The following KIDINS220 variants were observed in gnomAD, a reference collection of about 807,000 sequenced individuals.
KIDINS220 encodes kinase D-interacting substrate of 220 kDa.
A neutral mutation model predicts 157.6 loss-of-function variants in KIDINS220; 63 were observed. The ratio of observed to expected loss-of-function variants is 0.40; its 90% CI spans 0.33 to 0.49. The LOEUF is 0.49. Ranked by LOEUF, KIDINS220 falls within the 20% of genes least tolerant of loss-of-function variation. The pLI is 0.66. For missense variants in KIDINS220, 1,772 were observed against 2,171.2 expected, an observed-to-expected ratio of 0.82 and a Z score of 3.65; for synonymous variants, 732 against 783.6, an observed-to-expected ratio of 0.93 and a Z score of 1.10.
chr2:8,780,775 A>C (rs925520092), intron 17 of KIDINS220, among the ~76,000 whole-genome samples: 8 of 152,102 alleles, frequency 5.3e-5, no homozygotes, highest in Non-Finnish European at 1.2e-4. Context: ...CAGTTTAAAA[A>C]AAAGTACAAC....
chr2:8,815,058 G>T (rs998152898), intron 4 of KIDINS220, among the ~76,000 whole-genome samples: 4 of 152,202 alleles, frequency 2.6e-5, no homozygotes, highest in Admixed American at 2.0e-4. Flanking sequence ...ATTTTAACTT[G>T]TAAAATACTT....
chr2:8,727,466 C>G (rs1663443491), downstream of KIDINS220, among the ~76,000 whole-genome samples: 2 of 152,162 alleles, frequency 1.3e-5, no homozygotes, highest in African/African-American at 4.8e-5. Flanking sequence ...TCAGAGATTC[C>G]TGGATTTTTA....
At chr2:8,804,921 G>A (rs1675224204) in intron 7 of KIDINS220, among the ~76,000 whole-genome samples, 1 of 152,080 alleles carries the variant, frequency 6.6e-6, no homozygotes, top group South Asian at 2.1e-4. Flanking sequence ...CAAGTGTTCG[G>A]TGCCCAAGAC....
At chr2:8,762,453 A>G (rs1201781032) in intron 22 of KIDINS220, among the ~76,000 whole-genome samples, 1 of 152,178 alleles carries the variant, frequency 6.6e-6, no homozygotes, top group Non-Finnish European at 1.5e-5. Flanking sequence ...AAGAAAACCT[A>G]TTGGCTGGGC....
intron 22 of KIDINS220, among the ~76,000 whole-genome samples, chr2:8,752,079 G>C (rs1667440993): frequency 6.6e-6 from 1 of 151,502 alleles, no homozygotes; most frequent in Non-Finnish European, 1.5e-5. Flanking sequence ...GGAGTGCAGT[G>C]GTGCAGTCTT....
chr2:8,749,973 T>A, intron 24 of KIDINS220, 139 bp downstream of exon 24: 1 of 660,078 alleles, frequency 1.5e-6, no homozygotes, highest in East Asian at 2.7e-5. Context: ...AAAAGTCCTA[T>A]ATTTTACATT....
intron 8 of KIDINS220, among the ~76,000 whole-genome samples, chr2:8,801,956 C>G (rs937672184): frequency 3.3e-5 from 5 of 152,056 alleles, no homozygotes; most frequent in African/African-American, 1.2e-4. Context: ...GAAGACCTTC[C>G]CGAGGAGGAA....
At chr2:8,776,323 T>C (rs986490155) in intron 21 of KIDINS220, among the ~76,000 whole-genome samples, 13 of 152,190 alleles carry the variant, frequency 8.5e-5, no homozygotes, top group African/African-American at 3.1e-4. Flanking sequence ...CAGAATTCCA[T>C]GCAGGGACTT....
chr2:8,724,777 C>T (rs1420062983), downstream of KIDINS220: 1 of 152,268 alleles, frequency 6.6e-6, no homozygotes, highest in Non-Finnish European at 1.5e-5. This position sits in a 1 kb window ranked among gnomAD's most constrained non-coding sequence, Gnocchi z 4.6. Context: ...CAGGTGCACA[C>T]CACCATTCCT....
chr2:8,755,955 T>A (rs993811029), intron 22 of KIDINS220, among the ~76,000 whole-genome samples: 1 of 152,236 alleles, frequency 6.6e-6, no homozygotes, highest in Non-Finnish European at 1.5e-5. Context: ...TGCTTGGTTA[T>A]TTGAGGTGTC....
At chr2:8,833,752 T>C (rs1679987965) in intron 1 of KIDINS220, among the ~76,000 whole-genome samples, 2 of 152,190 alleles carry the variant, frequency 1.3e-5, no homozygotes, top group South Asian at 2.1e-4. Context: ...GCAAAAAAAT[T>C]AATGTCTTGC....
intron 22 of KIDINS220, among the ~76,000 whole-genome samples, chr2:8,755,488 A>C (rs1262229708): frequency 6.6e-6 from 1 of 152,252 alleles, no homozygotes; most frequent in African/African-American, 2.4e-5. Context: ...ACTGTTGTCC[A>C]ATAAATATTT....
intron 17 of KIDINS220, among the ~76,000 whole-genome samples, chr2:8,780,791 T>G (rs148633492): frequency 8.6e-5 from 13 of 151,116 alleles, no homozygotes; most frequent in Non-Finnish European, 1.8e-4. Context: ...ACAACTGATA[T>G]GCTAAGAAAG....
At chr2:8,756,817 T>C (rs578149227) in intron 22 of KIDINS220, among the ~76,000 whole-genome samples, 1 of 152,180 alleles carries the variant, frequency 6.6e-6, no homozygotes, top group African/African-American at 2.4e-5. Context: ...TACTGGGGGT[T>C]TGGGCTTCAA....
intron 20 of KIDINS220, among the ~76,000 whole-genome samples, chr2:8,777,503 G>C (rs1358688182): frequency 6.6e-6 from 1 of 152,128 alleles, no homozygotes; most frequent in African/African-American, 2.4e-5. Flanking sequence ...GTGTCACTAT[G>C]TTGCCCGGGC....
At chr2:8,804,045 A>C (rs928035892) in intron 7 of KIDINS220, among the ~76,000 whole-genome samples, 4 of 152,222 alleles carry the variant, frequency 2.6e-5, no homozygotes, top group Non-Finnish European at 5.9e-5. Context: ...TTGAGCCATC[A>C]ATCATCACAG....
chr2:8,790,610 A>G (rs1404615502), intron 13 of KIDINS220, among the ~76,000 whole-genome samples: 1 of 152,126 alleles, frequency 6.6e-6, no homozygotes, highest in Non-Finnish European at 1.5e-5. Flanking sequence ...ACTGAAACCT[A>G]TCCTTGAAGA....
chr2:8,732,346 C>T (rs950515071), intron 29 of KIDINS220, among the ~76,000 whole-genome samples: 4 of 152,196 alleles, frequency 2.6e-5, no homozygotes, highest in East Asian at 1.9e-4. Flanking sequence ...AATCCTCCCG[C>T]CTCAGCCTCC....
chr2:8,739,850 C>T (rs1665394041), intron 26 of KIDINS220, among the ~76,000 whole-genome samples: 1 of 152,126 alleles, frequency 6.6e-6, no homozygotes, highest in Admixed American at 6.5e-5. Context: ...TTACACAGAT[C>T]AGAATTTCTC....
Sources: gnomAD v4.1 joint callset for allele counts (sites outside exome capture counted in the v4.1 genomes callset) on GRCh38, gnomAD v4.1.1 for gene constraint, Gnocchi (gnomAD v3.1) non-coding constraint, MANE v1.5 for transcripts, NCBI Gene and HGNC (gene_info 2026-07-23, HGNC 2026-07-21) for gene names.